The following SREBF2 variants were observed in gnomAD, a reference collection of about 807,000 sequenced individuals.
SREBF2 encodes the protein sterol regulatory element-binding protein 2.
In SREBF2, 55 loss-of-function variants were observed where a neutral mutation model predicts 113.1. The ratio of observed to expected loss-of-function variants is 0.49; its 90% CI spans 0.39 to 0.61. The LOEUF is 0.61. SREBF2 is among the 20% of genes least tolerant of loss of function. SREBF2 has a pLI of 0.00. For synonymous variants in SREBF2, 593 were observed against 605.7 expected (o/e 0.98, Z 0.31); for missense variants, 1,349 against 1,487.4 (o/e 0.91, Z 1.53).
At chr22:41,881,771 A>G (rs2077247799) in intron 10 of SREBF2, among the ~76,000 whole-genome samples, 1 of 152,200 alleles carries the variant, frequency 6.6e-6, no homozygotes. Context: ...GTGCTTCTCA[A>G]GTTTAGAAGA....
chr22:41,883,799 A>T (rs1461449003), intron 10 of SREBF2, among the ~76,000 whole-genome samples: 1 of 152,206 alleles, frequency 6.6e-6, no homozygotes, highest in Non-Finnish European at 1.5e-5. Flanking sequence ...CTGGATGAGC[A>T]CGGGAAGCCT....
At chr22:41,861,930 A>C (rs552383509) in intron 1 of SREBF2, among the ~76,000 whole-genome samples, 1 of 152,182 alleles carries the variant, frequency 6.6e-6, no homozygotes, top group South Asian at 2.1e-4. Context: ...AAAAAAAAAA[A>C]AATTATTAAA....
chr22:41,878,183 T>C (rs2077215097), intron 9 of SREBF2, 60 bp downstream of exon 9: 1 of 1,602,874 alleles, frequency 6.2e-7, no homozygotes, highest in Non-Finnish European at 8.5e-7. Context: ...ATTCAGCAAC[T>C]CGTGTCAAAG....
At chr22:41,851,827 A>G (rs1043758139) in intron 1 of SREBF2, among the ~76,000 whole-genome samples, 1 of 151,768 alleles carries the variant, frequency 6.6e-6, no homozygotes, top group Non-Finnish European at 1.5e-5. Flanking sequence ...CACTTTAAAA[A>G]AAAAACAAAG....
chr22:41,900,564 T>A, intron 16 of SREBF2, 66 bp downstream of exon 16: 1 of 1,525,150 alleles, frequency 6.6e-7, no homozygotes, highest in Non-Finnish European at 9.0e-7. Flanking sequence ...ACACTCCCAC[T>A]CACCTCATGC....
intron 1 of SREBF2, among the ~76,000 whole-genome samples, chr22:41,844,072 G>GTA (rs1428003700): frequency 6.1e-5 from 5 of 81,900 alleles, no homozygotes; most frequent in African/African-American, 9.3e-5. Flanking sequence ...ACACGTATAT[G>GTA]TATATATATT....
At position 41,902,959 on chromosome 22, in the gene SREBF2, T is replaced by C. The variant is rs2077477335; in HGVS notation, c.2908-11T>C. On this transcript the variant is annotated splice_polypyrimidine_tract_variant and intron_variant, in intron 16 of 18. Transcript: ENST00000361204. Reference sequence around the variant, plus strand: ...TCACCTGTCTCCCCTCTCTCGTGGCTGACCCCACAGGTGGTCCAGCTGCTC... The same window carrying C: ...TCACCTGTCTCCCCTCTCTCGTGGCCGACCCCACAGGTGGTCCAGCTGCTC... The C allele has an allele frequency of 6.8e-6, 11 of 1,607,656 alleles. No individual in the cohort carries two copies. The highest frequency in any genetic ancestry group is 1.3e-5 in the African/African-American group (1 of 74,802).
chr22:41,851,890 G>A lies in SREBF2; in HGVS notation c.89-14941G>A, dbSNP rs907590390. ...AATCCCAGCACTTTGTGGGGCCAAG[G>A]GGGGTGGATCACAAGGTCAGGAGAT... On this transcript the variant is annotated intron_variant, in intron 1 of 18. Transcript: ENST00000361204. Among the ~76,000 whole-genome samples, 3 of 152,106 alleles carry A rather than the reference G, an allele frequency of 2.0e-5. No homozygotes were observed. The East Asian group carries it at 5.9e-4, about 30-fold the overall frequency.
chr22:41,884,880 A>G lies in SREBF2; in HGVS notation c.2077A>G (p.Met693Val), dbSNP rs1039354790. Reference sequence around the variant, plus strand: ...AGGATCCGCCTGTTCCGATGTACACATGGCGTTGTGTGCCGTGAACCTGGC... The same window carrying G: ...AGGATCCGCCTGTTCCGATGTACACGTGGCGTTGTGTGCCGTGAACCTGGC... The part of the protein sequence containing the change: ...PAGSACSDVH[M>V]ALCAVNLAEC... Residue 693 changes from methionine to valine, a missense_variant, in exon 11 of 19, where the codon ATG (methionine) becomes GTG (valine). Physicochemically the swap from Met to Val is conservative, Grantham distance 21. Around this residue, in one of 2 missense-constraint regions of SREBF2, gnomAD observed 650 missense variants for 644.1 expected, o/e 1.01. Coordinates refer to ENST00000361204, the MANE Select transcript of SREBF2 (RefSeq NM_004599.4). The G allele has an allele frequency of 2.5e-5, 41 of 1,614,060 alleles. No homozygotes were observed. The highest frequency in any genetic ancestry group is 3.4e-5 in the Non-Finnish European group (40 of 1,180,040).
intron 16 of SREBF2, among the ~76,000 whole-genome samples, chr22:41,902,523 C>T (rs534047093): frequency 6.6e-6 from 1 of 152,156 alleles, no homozygotes; most frequent in African/African-American, 2.4e-5. Flanking sequence ...ACTCCTCCTC[C>T]TCCTTCCCCC....
In SREBF2 at chr22:41,833,250, G is replaced by C. The variant is rs773214831; in HGVS notation, c.-21G>C. On this transcript the variant is annotated 5_prime_UTR_variant, in exon 1 of 19. Transcript: ENST00000361204. This position sits in a 1 kb window ranked among gnomAD's most constrained non-coding sequence, Gnocchi z 4.1. ...CTCCCTGAGCGGGACGGCAGGGGGG[G>C]CTTCTGCGCTGAGCCGGGCGATGGA... The C allele has an allele frequency of 5.9e-6, 9 of 1,514,712 alleles. No homozygotes were observed. In the South Asian group the frequency reaches 1.1e-4, roughly 19 times the overall value. The allele number at this position is 1,514,712 out of a possible 1,614,324, so 93.8% of individuals were successfully genotyped here. A position where few individuals can be genotyped will look rare whatever the true frequency, so the allele number is the denominator to read the frequency against.
chr22:41,906,199 G>T lies in SREBF2; in HGVS notation c.*539G>T. On this transcript the variant is annotated 3_prime_UTR_variant, in exon 19 of 19. Coordinates refer to ENST00000361204, the MANE Select transcript of SREBF2 (RefSeq NM_004599.4). ...TCCCTGGGTCTGCGTTCCCTCCCCT[G>T]GGCCTGACTGAGCCTGCTCATTGTT... 2.8e-6 allele frequency: 1 copy of T among 354,142 alleles called. No homozygotes were observed. Among genetic ancestry groups the T allele is most frequent in the Non-Finnish European group, 5.5e-6 (1 of 180,500 alleles). 21.9% of individuals were successfully genotyped at this position (354,142 alleles called of 1,614,324 possible).
chr22:41,861,285 G>A (rs1234728504), intron 1 of SREBF2, among the ~76,000 whole-genome samples: 2 of 151,718 alleles, frequency 1.3e-5, no homozygotes, highest in African/African-American at 2.4e-5. Context: ...AGTTCGAGAC[G>A]AGCCTGTCCA....
intron 1 of SREBF2, among the ~76,000 whole-genome samples, chr22:41,852,738 T>C (rs1173562281): frequency 8.7e-6 from 1 of 114,440 alleles, no homozygotes; most frequent in African/African-American, 4.6e-5. Flanking sequence ...ATTTTTTTTT[T>C]TTTTTTTTTT....
intron 16 of SREBF2, among the ~76,000 whole-genome samples, chr22:41,901,202 G>C (rs1231227065): frequency 6.6e-6 from 1 of 152,186 alleles, no homozygotes; most frequent in Non-Finnish European, 1.5e-5. Context: ...TCCAGAGTGG[G>C]AGGGACCGGG....
intron 2 of SREBF2, among the ~76,000 whole-genome samples, chr22:41,868,298 C>T (rs754341791): frequency 6.6e-6 from 1 of 152,138 alleles, no homozygotes; most frequent in African/African-American, 2.4e-5. Flanking sequence ...AATGAAGCCC[C>T]AGGGAGTTGT....
intron 9 of SREBF2, 122 bp downstream of exon 9, chr22:41,878,245 G>A: frequency 7.5e-7 from 1 of 1,326,018 alleles, no homozygotes; most frequent in African/African-American, 1.4e-5. Flanking sequence ...CCCTGCTGCT[G>A]AATAGTCACA....
At chr22:41,872,249 CAAA>C (rs57889677) in intron 4 of SREBF2, among the ~76,000 whole-genome samples, 7 of 113,364 alleles carry the variant, frequency 6.2e-5, no homozygotes, top group Admixed American at 2.5e-4. Flanking sequence ...ATCTCCGTCT[CAAA>C]AAAAAAAAAA....
At position 41,870,910 on chromosome 22, in the gene SREBF2, A is replaced by C. The variant is rs2077134013; in HGVS notation, c.742A>C (p.Ile248Leu). The change falls in exon 4 of 19, where the codon ATC (isoleucine) becomes CTC (leucine). Residue 248 changes from isoleucine (I) to leucine (L), a missense_variant. Ile to Leu is a conservative substitution (Grantham distance 5). This residue lies in a region of SREBF2 where 699 missense variants were observed against 843.3 expected (regional missense o/e 0.83). Transcript: ENST00000361204. ...CCAGGTCCTGGTCCAGCCTCAGATC[A>C]TCAAGACAGATTCCCTTGTTTTGAC... The part of the protein sequence containing the change: ...QVPVLVQPQI[I>L]KTDSLVLTTL... The C allele has an allele frequency of 6.2e-7, 1 of 1,614,166 alleles. No individual in the cohort carries two copies. Among genetic ancestry groups the C allele is most frequent in the Non-Finnish European group, 8.5e-7 (1 of 1,180,046 alleles).
Sources: gnomAD v4.1 joint callset for allele counts (sites outside exome capture counted in the v4.1 genomes callset) on GRCh38, gnomAD v4.1.1 for gene constraint, gnomAD v4.1.1 regional missense constraint, Gnocchi (gnomAD v3.1) non-coding constraint, MANE v1.5 for transcripts, NCBI Gene and HGNC (gene_info 2026-07-23, HGNC 2026-07-21) for gene names.